The following MAST4 variants were observed in gnomAD, a reference collection of about 807,000 sequenced individuals.
The protein encoded by MAST4 is microtubule-associated serine/threonine-protein kinase 4.
In MAST4, 89 loss-of-function variants were observed where a neutral mutation model predicts 162.7. The observed-to-expected ratio is 0.55, with a 90% confidence interval of 0.46 to 0.65. MAST4 has a LOEUF of 0.65. MAST4 is among the 30% of genes least tolerant of loss of function. The probability of loss-of-function intolerance (pLI) is 0.00; values close to 1 mark genes in which losing one functional copy is unlikely to be tolerated. For missense variants in MAST4, 3,153 were observed against 3,374.0 expected, an observed-to-expected ratio of 0.93 and a Z score of 1.62; for synonymous variants, 1,479 against 1,361.1, an observed-to-expected ratio of 1.09 and a Z score of -1.91.
At chr5:66,718,015 A>AGCTGTGACAGTATTTTGTT (rs1750953850) in intron 1 of MAST4, among the ~76,000 whole-genome samples, 1 of 152,076 alleles carries the variant, frequency 6.6e-6, no homozygotes, top group East Asian at 1.9e-4. Context: ...ACTGCGTTTC[A>AGCTGTGACAGTATTTTGTT]GCTGTGACAG....
At position 67,164,838 on chromosome 5, in the gene MAST4, C is replaced by G; in HGVS notation, c.5659C>G (p.Pro1887Ala). 1.9e-6 allele frequency: 3 copies of G among 1,614,020 alleles called. No homozygotes were observed. The highest frequency in any genetic ancestry group is 1.7e-6 in the Non-Finnish European group (2 of 1,179,898). Residue 1887 changes from proline (P) to alanine (A), a missense_variant, in exon 29 of 29, where the codon CCA (proline) becomes GCA (alanine). Physicochemically the swap from Pro to Ala is conservative, Grantham distance 27. Around this residue, in one of 7 missense-constraint regions of MAST4, gnomAD observed 1,644 missense variants for 1,495.0 expected, o/e 1.10. Coordinates refer to ENST00000403625, the MANE Select transcript of MAST4 (RefSeq NM_001164664.2). The surrounding 1 kb of genome is among the most constrained non-coding windows in gnomAD (Gnocchi z 5.3). ...CCCCAGCCGAGGTCTCCAGAATTCA[C>G]CAGCAGTTTCCCTGCCTGACCCAGA... ...LPPSRGLQNS[P>A]AVSLPDPEFK...
intron 10 of MAST4, among the ~76,000 whole-genome samples, chr5:67,107,174 T>C (rs1240935397): frequency 6.6e-6 from 1 of 152,192 alleles, no homozygotes; most frequent in Non-Finnish European, 1.5e-5. Context: ...CTTAGTCCTG[T>C]GTTTTTCATT....
At chr5:66,948,439 A>G (rs1330658934) in intron 4 of MAST4, among the ~76,000 whole-genome samples, 1 of 151,982 alleles carries the variant, frequency 6.6e-6, no homozygotes, top group East Asian at 1.9e-4. Flanking sequence ...ATGTGCTCTT[A>G]TACTTCTTTT....
intron 12 of MAST4, chr5:67,114,543 T>A (rs1033600877): frequency 1.1e-4 from 27 of 255,026 alleles, no homozygotes; most frequent in African/African-American, 5.5e-4. Context: ...CAGAGCTCAG[T>A]TGGGCTCTTG....
chr5:67,113,204 C>G (rs1009399455), intron 11 of MAST4, among the ~76,000 whole-genome samples: 3 of 149,170 alleles, frequency 2.0e-5, no homozygotes, highest in Admixed American at 6.9e-5. Context: ...GTCCCAGCTA[C>G]TAGGGGGGCT....
At chr5:67,038,023 C>A (rs1013100950) in intron 4 of MAST4, among the ~76,000 whole-genome samples, 15 of 151,954 alleles carry the variant, frequency 9.9e-5, no homozygotes, top group African/African-American at 3.6e-4. Flanking sequence ...TTCCTAGAGA[C>A]CTCTTGCATC....
intron 4 of MAST4, among the ~76,000 whole-genome samples, chr5:66,940,458 T>C (rs1743239120): frequency 6.6e-6 from 1 of 152,198 alleles, no homozygotes; most frequent in African/African-American, 2.4e-5. Flanking sequence ...TAAGTTTGTG[T>C]AATATTCTAA....
chr5:66,734,471 C>G (rs1265621795), intron 1 of MAST4, among the ~76,000 whole-genome samples: 4 of 152,158 alleles, frequency 2.6e-5, no homozygotes, highest in East Asian at 3.8e-4. Context: ...TGTTTTCTAC[C>G]TCATTTGCAT....
chr5:66,982,858 G>A (rs562424756), intron 4 of MAST4, among the ~76,000 whole-genome samples: 5 of 152,302 alleles, frequency 3.3e-5, no homozygotes, highest in Admixed American at 1.3e-4. Context: ...CTGTTGGAGC[G>A]TGGTGCCCTT....
intron 6 of MAST4, among the ~76,000 whole-genome samples, chr5:67,094,875 CTT>C (rs1333686220): frequency 6.6e-6 from 1 of 152,176 alleles, no homozygotes; most frequent in Non-Finnish European, 1.5e-5. Context: ...CAACTTTACT[CTT>C]TGCATTAAGT....
At chr5:66,816,457 G>A (rs141446945) in intron 3 of MAST4, among the ~76,000 whole-genome samples, 252 of 152,232 alleles carry the variant, frequency 1.7e-3, no homozygotes, top group Non-Finnish European at 2.7e-3. Context: ...CAGGAACATA[G>A]TAGGAAAGTC....
rs890911934 is a variant in MAST4 at position 66,709,232 on chromosome 5, T to TA, written c.364-50467dup. ...GCTGATACTTTGCTTTGTTTGAAAT[T>TA]AAAAAAAAAATTCTGAAGCTTAAAA... On this transcript the variant is annotated intron_variant, in intron 1 of 28. Coordinates refer to ENST00000403625, the MANE Select transcript of MAST4 (RefSeq NM_001164664.2). 1.5e-4 allele frequency among the ~76,000 whole-genome samples: 22 copies of TA among 150,758 alleles called. No individual in the cohort carries two copies. The East Asian group carries it at 2.1e-3, about 15-fold the overall frequency.
rs1016215636 is a variant in MAST4, at chr5:66,708,099, G to A, written c.364-51610G>A. On this transcript the variant is annotated intron_variant, in intron 1 of 28. Transcript: ENST00000403625. ...AAATAATTAAATTACTTTTCTGAGT[G>A]TGCAACACCAACCTAGATTCAAACA... 2.6e-5 allele frequency among the ~76,000 whole-genome samples: 4 copies of A among 152,318 alleles called. No homozygotes were observed. The South Asian group carries it at 8.3e-4, about 32-fold the overall frequency.
chr5:67,048,208 A>G (rs1350230847), intron 4 of MAST4, among the ~76,000 whole-genome samples: 2 of 152,208 alleles, frequency 1.3e-5, no homozygotes, highest in Admixed American at 1.3e-4. Context: ...GCAAAGAGGA[A>G]AAAGAAATGT....
At chr5:67,137,399 T>C (rs1769800540) in intron 19 of MAST4, among the ~76,000 whole-genome samples, 1 of 152,214 alleles carries the variant, frequency 6.6e-6, no homozygotes, top group Non-Finnish European at 1.5e-5. Context: ...TGAGACTAAA[T>C]ATTAAATATA....
chr5:67,120,483 T>C (rs1253877057), intron 13 of MAST4, among the ~76,000 whole-genome samples: 1 of 152,228 alleles, frequency 6.6e-6, no homozygotes, highest in African/African-American at 2.4e-5. Context: ...GCTGTCTTTT[T>C]GAAACTTGTT....
At position 67,160,712 on chromosome 5, in the gene MAST4, T is replaced by C. The variant is rs549751706; in HGVS notation, c.3785+120T>C. 3.2e-4 allele frequency: 340 copies of C among 1,065,328 alleles called. 1 individual carries two copies. In the African/African-American group the frequency reaches 5.0e-3, roughly 16 times the overall value. The allele number at this position is 1,065,328 out of a possible 1,614,324, so 66.0% of individuals were successfully genotyped here. A position where few individuals can be genotyped will look rare whatever the true frequency, so the allele number is the denominator to read the frequency against. ...TTTTTCTGTGAGAAATTTTATGTTA[T>C]GGTTCACATATATGTATACATTAAA... On this transcript the variant is annotated intron_variant, in intron 27 of 28. Coordinates refer to ENST00000403625, the MANE Select transcript of MAST4 (RefSeq NM_001164664.2).
At chr5:66,896,404 T>C (rs459899) in intron 3 of MAST4, among the ~76,000 whole-genome samples, 81,700 of 152,042 alleles carry the variant, frequency 0.54, 22,361 homozygotes, top group Middle Eastern at 0.61. Flanking sequence ...TGGGTTTCCC[T>C]ACTATAATGT....
chr5:67,135,027 G>A (rs1410532839), intron 18 of MAST4, among the ~76,000 whole-genome samples: 2 of 152,174 alleles, frequency 1.3e-5, no homozygotes, highest in South Asian at 4.1e-4. Flanking sequence ...TGATAGGAAA[G>A]TTACACCAGG....
Sources: allele counts gnomAD v4.1 joint callset (sites outside exome capture counted in the v4.1 genomes callset), GRCh38; gene constraint gnomAD v4.1.1; regional missense constraint gnomAD v4.1.1; non-coding constraint Gnocchi (gnomAD v3.1); transcripts MANE v1.5; gene names NCBI Gene and HGNC (gene_info 2026-07-23, HGNC 2026-07-21).